Variants in FRMD4B observed in about 807,000 individuals in gnomAD.
FRMD4B encodes FERM domain containing 4B.
Under a neutral mutation model 141.5 loss-of-function variants are expected in FRMD4B, and 74 were observed. The observed-to-expected ratio is 0.52, with a 90% confidence interval of 0.43 to 0.63. FRMD4B has a LOEUF of 0.63. Among genes scored for constraint, FRMD4B ranks in the 30% least tolerant of loss-of-function variants. The pLI is 0.00. For missense variants in FRMD4B, 1,366 were observed against 1,253.4 expected (o/e 1.09, Z -1.36); for synonymous variants, 506 against 467.9 (o/e 1.08, Z -1.05).
chr3:69,464,350 AAGTGAGTGC>A (rs1377895526), intron 1 of FRMD4B, among the ~76,000 whole-genome samples: 2 of 152,166 alleles, frequency 1.3e-5, no homozygotes, highest in Non-Finnish European at 2.9e-5. Context: ...CTAGCTTGGC[AAGTGAGTGC>A]AGTAGGATAA....
In FRMD4B at chr3:69,170,431, A is replaced by T. The variant is rs1488542459; in HGVS notation, c.*1430T>A. 4 of 152,084 alleles carry T rather than the reference A, an allele frequency of 2.6e-5. No individual in the cohort carries two copies. Among genetic ancestry groups the T allele is most frequent in the African/African-American group, 4.8e-5 (2 of 41,428 alleles). The allele number at this position is 152,084 out of a possible 1,614,324, so 9.4% of individuals were successfully genotyped here. ...TTTTTTTGCTTGTCTTTTTTCCAAA[A>T]TTTTTTCCCAAACTTCATTTCTAAT... On this transcript the variant is annotated 3_prime_UTR_variant, in exon 23 of 23. Transcript: ENST00000398540.
At chr3:69,417,392 A>C (rs1704886670) in intron 2 of FRMD4B, among the ~76,000 whole-genome samples, 1 of 151,766 alleles carries the variant, frequency 6.6e-6, no homozygotes, top group South Asian at 2.1e-4. Flanking sequence ...CCACTTTTTG[A>C]TGGGGTTGTT....
intron 5 of FRMD4B, chr3:69,250,342 G>A (rs539729798): frequency 1.7e-5 from 7 of 418,224 alleles, no homozygotes; most frequent in Middle Eastern, 6.9e-4. Context: ...CTGTGGTGAC[G>A]GATTATGTGT....
chr3:69,185,476 C>T (rs1024443426), intron 19 of FRMD4B, among the ~76,000 whole-genome samples: 1 of 151,982 alleles, frequency 6.6e-6, no homozygotes, highest in Non-Finnish European at 1.5e-5. Flanking sequence ...AGAGCAAATA[C>T]TTCCCATCTT....
intron 7 of FRMD4B, among the ~76,000 whole-genome samples, chr3:69,237,886 A>G (rs1378144099): frequency 6.6e-6 from 1 of 152,132 alleles, no homozygotes; most frequent in Non-Finnish European, 1.5e-5. Context: ...ACGCACCACC[A>G]TGCTCGGCTC....
intron 1 of FRMD4B, among the ~76,000 whole-genome samples, chr3:69,466,772 C>T (rs759543067): frequency 6.6e-6 from 1 of 152,212 alleles, no homozygotes; most frequent in Non-Finnish European, 1.5e-5. Flanking sequence ...TCATGGCTCA[C>T]TATAGCTTTG....
chr3:69,345,320 G>C lies in FRMD4B; in HGVS notation c.163-31803C>G, dbSNP rs187991766. Among the ~76,000 whole-genome samples the C allele has an allele frequency of 4.1e-3, 624 of 152,332 alleles. 3 individuals are homozygous for C. The highest frequency in any genetic ancestry group is 0.013 in the African/African-American group (557 of 41,578). On this transcript the variant is annotated intron_variant, in intron 1 of 22. Coordinates refer to ENST00000398540, the MANE Select transcript of FRMD4B (RefSeq NM_015123.3). The stretch of plus-strand genomic sequence containing the variant: ...ACCCGCCATTGCTGAGGCTTGAGTA[G>C]GTAAGCAAAGCAGCCTGGAAGCTCG...
At chr3:69,416,279 A>T (rs945872921) in intron 2 of FRMD4B, among the ~76,000 whole-genome samples, 4 of 152,150 alleles carry the variant, frequency 2.6e-5, no homozygotes, top group African/African-American at 7.2e-5. Flanking sequence ...TTTATTAAAA[A>T]TTTTTTTGTA....
chr3:69,225,773 G>A (rs1252479041), intron 7 of FRMD4B, among the ~76,000 whole-genome samples: 1 of 134,776 alleles, frequency 7.4e-6, no homozygotes. Flanking sequence ...GGTTATGAGA[G>A]AAAATACTCT....
intron 8 of FRMD4B, among the ~76,000 whole-genome samples, chr3:69,224,093 G>T (rs1159001967): frequency 6.6e-6 from 1 of 151,950 alleles, no homozygotes; most frequent in Non-Finnish European, 1.5e-5. Context: ...GTATTTTAAG[G>T]GAAAACGTAA....
At chr3:69,381,393 A>G (rs949404760) in intron 1 of FRMD4B, among the ~76,000 whole-genome samples, 2 of 152,222 alleles carry the variant, frequency 1.3e-5, no homozygotes, top group Admixed American at 6.5e-5. Flanking sequence ...GAACACCCCC[A>G]GGAGACTGAC....
intron 2 of FRMD4B, among the ~76,000 whole-genome samples, chr3:69,410,264 A>G (rs1227816150): frequency 6.6e-6 from 1 of 152,184 alleles, no homozygotes; most frequent in African/African-American, 2.4e-5. Context: ...CAGGTCCGAT[A>G]TCAGCTCTGA....
At chr3:69,403,317 A>C (rs1354030978) in intron 2 of FRMD4B, among the ~76,000 whole-genome samples, 6 of 152,210 alleles carry the variant, frequency 3.9e-5, no homozygotes, top group Non-Finnish European at 8.8e-5. Flanking sequence ...TAATGTTCTC[A>C]ACAACTCAGA....
chr3:69,422,927 A>G (rs901674264), intron 2 of FRMD4B, among the ~76,000 whole-genome samples: 24 of 152,208 alleles, frequency 1.6e-4, no homozygotes, highest in African/African-American at 5.1e-4. Context: ...GCTGAACTGT[A>G]GGGCAGGGAT....
intron 21 of FRMD4B, among the ~76,000 whole-genome samples, chr3:69,177,106 G>T (rs183999693): frequency 2.6e-4 from 40 of 152,292 alleles, no homozygotes; most frequent in African/African-American, 9.4e-4. Flanking sequence ...GGGAAGCCGA[G>T]GCGGGAGGAC....
chr3:69,195,304 T>G lies in FRMD4B; in HGVS notation c.1295A>C (p.Lys432Thr). Residue 432 changes from lysine (K) to threonine (T), a missense_variant, in exon 15 of 23, where the codon AAG (lysine) becomes ACG (threonine). Lys to Thr is a moderately conservative substitution (Grantham distance 78). Transcript: ENST00000398540. ...QKREKILELK[K>T]KEKLLQEKLL... ...TTTTTCTTGTAATAGTTTCTCCTTC[T>G]TCTTTAGTTCAAGGATTTTTTCTCT... The G allele has an allele frequency of 1.2e-6, 2 of 1,613,268 alleles. No individual in the cohort carries two copies. Among genetic ancestry groups the G allele is most frequent in the Non-Finnish European group, 1.7e-6 (2 of 1,179,432 alleles).
chr3:69,181,714 A>C lies in FRMD4B; in HGVS notation c.2040-4T>G, dbSNP rs769769404. On this transcript the variant is annotated splice_region_variant and splice_polypyrimidine_tract_variant and intron_variant, in intron 20 of 22. Coordinates refer to ENST00000398540, the MANE Select transcript of FRMD4B (RefSeq NM_015123.3). ...GTGCTGAGATGAAGATTCGGGTCTG[A>C]AAGAGGAGAAAGGCAAACTTCTCAA... 1.9e-6 allele frequency: 3 copies of C among 1,591,230 alleles called. No individual in the cohort carries two copies. Among genetic ancestry groups the C allele is most frequent in the South Asian group, 2.2e-5 (2 of 89,482 alleles).
intron 1 of FRMD4B, among the ~76,000 whole-genome samples, chr3:69,502,893 T>C (rs1706524512): frequency 6.6e-6 from 1 of 152,178 alleles, no homozygotes; most frequent in Admixed American, 6.5e-5. Flanking sequence ...CAGACACTTC[T>C]CAAGAGAAGA....
At chr3:69,538,389 T>C (rs1701115600) in intron 1 of FRMD4B, among the ~76,000 whole-genome samples, 1 of 152,206 alleles carries the variant, frequency 6.6e-6, no homozygotes, top group Admixed American at 6.5e-5. Flanking sequence ...AAAATAGCAC[T>C]AACAGACACA....
Sources: allele counts gnomAD v4.1 joint callset (sites outside exome capture counted in the v4.1 genomes callset), GRCh38; gene constraint gnomAD v4.1.1; transcripts MANE v1.5; gene names NCBI Gene and HGNC (gene_info 2026-07-23, HGNC 2026-07-21).